IARS2: variants seen among roughly 807,000 people sequenced by gnomAD.
IARS2 encodes isoleucyl-tRNA synthetase 2, mitochondrial.
IARS2 carries 56 observed loss-of-function variants against 126.3 expected under a neutral mutation model. That is an observed-to-expected ratio of 0.44 (90% CI 0.36 to 0.55). The LOEUF (loss-of-function observed/expected upper bound fraction) is 0.55, where lower values mean the gene tolerates loss of function less well. Among genes scored for constraint, IARS2 ranks in the 20% least tolerant of loss-of-function variants. The pLI is 0.00. For missense variants in IARS2, 1,127 were observed against 1,245.9 expected (o/e 0.90, Z 1.44); for synonymous variants, 407 against 441.1 (o/e 0.92, Z 0.97).
chr1:220,146,896 T>A (rs1050072678), intron 22 of IARS2, among the ~76,000 whole-genome samples: 17 of 152,110 alleles, frequency 1.1e-4, no homozygotes, highest in Non-Finnish European at 1.6e-4. Flanking sequence ...GGTCTTGAAC[T>A]CCTGACCTCA....
intron 19 of IARS2, 125 bp from the exon 20 acceptor site, chr1:220,141,678 A>G (rs1466406594): frequency 1.1e-6 from 1 of 929,680 alleles, no homozygotes; most frequent in South Asian, 1.6e-5. Flanking sequence ...TGTATTCTTT[A>G]AGTAGAAGAT....
chr1:220,136,729 C>A, intron 15 of IARS2, 80 bp from the exon 16 acceptor site: 5 of 542,392 alleles, frequency 9.2e-6, no homozygotes, highest in Non-Finnish European at 1.3e-5. Context: ...AACTTAGATA[C>A]TCTTTTTAAG....
At chr1:220,142,890 C>A in intron 20 of IARS2, 54 bp from the exon 21 acceptor site, 1 of 1,270,342 alleles carries the variant, frequency 7.9e-7, no homozygotes. Flanking sequence ...GTTAGAGCTT[C>A]ATATACAGTT....
At chr1:220,140,372 G>C in intron 19 of IARS2, 83 bp downstream of exon 19, 1 of 815,804 alleles carries the variant, frequency 1.2e-6, no homozygotes, top group Non-Finnish European at 2.0e-6. Context: ...TTGGGAGGCC[G>C]AGGCGGGTGG....
rs775927970 is a variant in IARS2 at position 220,136,634 on chromosome 1, CA to C, written c.1947-155del. Reference sequence around the variant, plus strand: ...GGGCAACAAGAGTGAGACTCCATCTCAAAAAAAAAAAAAAAAAAAAGAGAAG... The same window carrying C: ...GGGCAACAAGAGTGAGACTCCATCTCAAAAAAAAAAAAAAAAAAAGAGAAG... On this transcript the variant is annotated intron_variant, in intron 15 of 22. Coordinates refer to ENST00000366922, the MANE Select transcript of IARS2 (RefSeq NM_018060.4). 6.7e-3 allele frequency among the ~76,000 whole-genome samples: 421 copies of C among 63,114 alleles called. 3 individuals are homozygous for C. The highest frequency in any genetic ancestry group is 0.025 in the South Asian group (42 of 1,648). The allele number at this position is 63,114 out of a possible 152,430, so 41.4% of individuals were successfully genotyped here.
At position 220,136,801 on chromosome 1, in the gene IARS2, C is replaced by G. The variant is rs751178401; in HGVS notation, c.1947-8C>G. The stretch of plus-strand genomic sequence containing the variant: ...TTTATCATTAAAATAGCTGATTTGT[C>G]CCTTTAGGACAGTGATTGTTCATGG... On this transcript the variant is annotated splice_polypyrimidine_tract_variant and splice_region_variant and intron_variant, in intron 15 of 22. Coordinates refer to ENST00000366922, the MANE Select transcript of IARS2 (RefSeq NM_018060.4). 6.9e-7 allele frequency: 1 copy of G among 1,443,844 alleles called. No homozygotes were observed. 89.4% of individuals were successfully genotyped at this position (1,443,844 alleles called of 1,614,324 possible). A position where few individuals can be genotyped will look rare whatever the true frequency, so the allele number is the denominator to read the frequency against.
chr1:220,125,416 T>TA, intron 13 of IARS2, 77 bp downstream of exon 13: 1 of 867,722 alleles, frequency 1.2e-6, no homozygotes, highest in South Asian at 1.5e-5. Flanking sequence ...TCTTGAGAGT[T>TA]AAAAAATTAT....
In IARS2 at chr1:220,102,270, A is replaced by G. The variant is rs1656593283; in HGVS notation, c.692A>G (p.Tyr231Cys). 6.2e-7 allele frequency: 1 copy of G among 1,607,152 alleles called. No individual in the cohort carries two copies. Among genetic ancestry groups the G allele is most frequent in the Non-Finnish European group, 8.5e-7 (1 of 1,178,318 alleles). ...CAGTTGAGAACTTTTTACCAAATGT[A>G]TGATAAGGTAAAGAAGTATTTTTTC... ...AKQLRTFYQM[Y>C]DKGLVYRSYK... Residue 231 changes from tyrosine (Y) to cysteine (C), a missense_variant, in exon 4 of 23, where the codon TAT becomes TGT. By Grantham distance (194) the Tyr-to-Cys change is radical (BLOSUM62 -2). Coordinates refer to ENST00000366922, the MANE Select transcript of IARS2 (RefSeq NM_018060.4).
intron 12 of IARS2, chr1:220,117,838 A>C (rs757712465): frequency 3.8e-6 from 2 of 521,456 alleles, no homozygotes; most frequent in Non-Finnish European, 7.9e-6. Flanking sequence ...GCGTGGTGTT[A>C]GTCGATTTCT....
intron 19 of IARS2, among the ~76,000 whole-genome samples, chr1:220,141,345 A>T (rs1321835531): frequency 1.3e-5 from 2 of 152,204 alleles, no homozygotes; most frequent in Non-Finnish European, 2.9e-5. Flanking sequence ...CCAAGTCTTC[A>T]TCTGTTGCTC....
intron 14 of IARS2, among the ~76,000 whole-genome samples, chr1:220,127,968 T>G (rs1657187183): frequency 6.6e-6 from 1 of 152,174 alleles, no homozygotes; most frequent in Non-Finnish European, 1.5e-5. Flanking sequence ...TTCCCTAAAT[T>G]ACAGTCATGT....
intron 1 of IARS2, among the ~76,000 whole-genome samples, chr1:220,095,165 A>G (rs138228878): frequency 0.032 from 4,940 of 152,130 alleles, 136 homozygotes; most frequent in African/African-American, 0.078. Flanking sequence ...TAGCCTCCCC[A>G]GTTGCTGGGA....
At chr1:220,121,112 A>G (rs1288659443) in intron 12 of IARS2, among the ~76,000 whole-genome samples, 1 of 152,222 alleles carries the variant, frequency 6.6e-6, no homozygotes, top group Non-Finnish European at 1.5e-5. Flanking sequence ...AAAAAATCTG[A>G]AGTATGTTGT....
At chr1:220,125,393 C>A in intron 13 of IARS2, 54 bp downstream of exon 13, 2 of 1,070,198 alleles carry the variant, frequency 1.9e-6, no homozygotes, top group South Asian at 1.3e-5. Context: ...GACTTAATGA[C>A]AACATGAGAA....
intron 21 of IARS2, 30 bp downstream of exon 21, chr1:220,143,164 G>T (rs953653003): frequency 2.3e-5 from 35 of 1,543,230 alleles, no homozygotes; most frequent in Non-Finnish European, 3.0e-5. Flanking sequence ...TTTTGAAATG[G>T]TGTTAGTATC....
intron 2 of IARS2, among the ~76,000 whole-genome samples, chr1:220,097,901 G>A (rs551169355): frequency 7.3e-5 from 11 of 151,026 alleles, no homozygotes; most frequent in African/African-American, 2.7e-4. Flanking sequence ...TTGAGACAGA[G>A]TCTCACGCTG....
intron 12 of IARS2, among the ~76,000 whole-genome samples, chr1:220,123,208 A>G (rs1657084306): frequency 6.6e-6 from 1 of 152,078 alleles, no homozygotes; most frequent in African/African-American, 2.4e-5. Context: ...GTAACTAAAT[A>G]CTATTGTCAT....
At position 220,100,776 on chromosome 1, in the gene IARS2, C is replaced by T. The variant is rs1656555334; in HGVS notation, c.550+127C>T. 1.3e-5 allele frequency: 7 copies of T among 544,766 alleles called. No individual in the cohort carries two copies. The South Asian group carries it at 1.3e-4, about 10-fold the overall frequency. 33.7% of individuals were successfully genotyped at this position (544,766 alleles called of 1,614,324 possible). On this transcript the variant is annotated intron_variant, in intron 3 of 22. Coordinates refer to ENST00000366922, the MANE Select transcript of IARS2 (RefSeq NM_018060.4). ...TGCTTATAATAAGATCTATTGGAAA[C>T]GCCTTTCTGTCACAGAAAATTCAGA...
At chr1:220,123,237 C>T (rs1657084971) in intron 12 of IARS2, among the ~76,000 whole-genome samples, 1 of 151,884 alleles carries the variant, frequency 6.6e-6, no homozygotes, top group Admixed American at 6.6e-5. Flanking sequence ...GTAGTTATTA[C>T]ATAAGGTTTT....
Sources: gnomAD v4.1 joint callset for allele counts (sites outside exome capture counted in the v4.1 genomes callset) on GRCh38, gnomAD v4.1.1 for gene constraint, MANE v1.5 for transcripts, NCBI Gene and HGNC (gene_info 2026-07-23, HGNC 2026-07-21) for gene names.